HDAC9: variants seen among roughly 807,000 people sequenced by gnomAD.
HDAC9 encodes the protein histone deacetylase 9, also known as MEF-2 interacting transcription repressor (MITR) protein.
Under a neutral mutation model 139.4 loss-of-function variants are expected in HDAC9, and 41 were observed. That is an observed-to-expected ratio of 0.29 (90% CI 0.23 to 0.38). The LOEUF (loss-of-function observed/expected upper bound fraction) is 0.38. HDAC9 is among the 10% of genes least tolerant of loss of function. HDAC9 has a pLI of 1.00. For missense variants in HDAC9, 1,147 were observed against 1,297.0 expected (o/e 0.88, Z 1.78); for synonymous variants, 517 against 476.2 (o/e 1.09, Z -1.12).
intron 1 of HDAC9, among the ~76,000 whole-genome samples, chr7:18,294,546 T>C (rs1798014994): frequency 6.6e-6 from 1 of 152,040 alleles, no homozygotes; most frequent in Non-Finnish European, 1.5e-5. Context: ...TTTTGCCTCT[T>C]TGAGAAAGAG....
intron 2 of HDAC9, among the ~76,000 whole-genome samples, chr7:18,212,124 G>A (rs1234396928): frequency 2.0e-5 from 3 of 152,134 alleles, no homozygotes; most frequent in Admixed American, 2.0e-4. Flanking sequence ...CAGCACCTAT[G>A]TCTGACTTCA....
At chr7:18,359,174 G>A (rs898672180) in intron 1 of HDAC9, among the ~76,000 whole-genome samples, 18 of 152,038 alleles carry the variant, frequency 1.2e-4, no homozygotes, top group African/African-American at 4.1e-4. Context: ...CAGACAACAT[G>A]GCAAAACCCC....
intron 6 of HDAC9, among the ~76,000 whole-genome samples, chr7:18,628,007 A>C (rs567784615): frequency 6.6e-6 from 1 of 152,314 alleles, no homozygotes; most frequent in Non-Finnish European, 1.5e-5. Context: ...CAACAAAAAA[A>C]GTGGAGAAGA....
At chr7:18,609,265 A>G (rs1265060551) in intron 6 of HDAC9, among the ~76,000 whole-genome samples, 1 of 152,198 alleles carries the variant, frequency 6.6e-6, no homozygotes, top group Non-Finnish European at 1.5e-5. Flanking sequence ...TTGCCACTTG[A>G]AATTGAACAC....
intron 2 of HDAC9, among the ~76,000 whole-genome samples, chr7:18,278,070 C>G: frequency 6.6e-6 from 1 of 152,192 alleles, no homozygotes; most frequent in African/African-American, 2.4e-5. Context: ...CTTGAACTTC[C>G]ACAGGAATCT....
chr7:18,868,838 A>G (rs1798689675), intron 21 of HDAC9, among the ~76,000 whole-genome samples: 1 of 152,024 alleles, frequency 6.6e-6, no homozygotes, highest in Non-Finnish European at 1.5e-5. Flanking sequence ...GGAATGAAGG[A>G]ATGCTGAGTG....
intron 1 of HDAC9, among the ~76,000 whole-genome samples, chr7:18,113,964 G>C (rs1023709257): frequency 5.9e-5 from 9 of 152,092 alleles, no homozygotes; most frequent in South Asian, 2.1e-4. Context: ...TGCCATTGTA[G>C]CTATCACTTT....
intron 1 of HDAC9, among the ~76,000 whole-genome samples, chr7:18,359,329 C>T (rs1291866820): frequency 6.6e-6 from 1 of 152,000 alleles, no homozygotes; most frequent in South Asian, 2.1e-4. Context: ...GCCCGGGCAA[C>T]GGAGTGAGAC....
At chr7:18,628,540 C>T (rs930788836) in intron 6 of HDAC9, among the ~76,000 whole-genome samples, 2 of 152,140 alleles carry the variant, frequency 1.3e-5, no homozygotes, top group African/African-American at 4.8e-5. Context: ...CCAATGTTTC[C>T]ATTCTTCTAA....
chr7:18,656,270 A>G (rs1328467919), intron 11 of HDAC9, among the ~76,000 whole-genome samples: 1 of 152,156 alleles, frequency 6.6e-6, no homozygotes, highest in East Asian at 1.9e-4. Context: ...CTATTAACCT[A>G]GTTGTATCAG....
chr7:18,269,817 G>A (rs1222267905), intron 2 of HDAC9, among the ~76,000 whole-genome samples: 1 of 151,984 alleles, frequency 6.6e-6, no homozygotes, highest in African/African-American at 2.4e-5. Context: ...CCTCCTAGTT[G>A]GGCTGCCTAA....
chr7:18,607,233 A>G (rs780417742), intron 6 of HDAC9, among the ~76,000 whole-genome samples: 15 of 152,244 alleles, frequency 9.9e-5, no homozygotes, highest in Non-Finnish European at 1.8e-4. Flanking sequence ...CAATTGTGTG[A>G]TAATGAGTCA....
intron 12 of HDAC9, among the ~76,000 whole-genome samples, chr7:18,708,205 AG>A (rs1784083433): frequency 6.6e-6 from 1 of 152,128 alleles, no homozygotes; most frequent in Non-Finnish European, 1.5e-5. Flanking sequence ...TTTGTGAAGT[AG>A]AAGGTGAGGT....
intron 2 of HDAC9, among the ~76,000 whole-genome samples, chr7:18,529,702 G>T (rs961411937): frequency 5.3e-5 from 8 of 152,086 alleles, no homozygotes; most frequent in Non-Finnish European, 1.0e-4. Flanking sequence ...AGTTGTTTTA[G>T]AATTAAGAAA....
chr7:18,475,026 A>ATT (rs1169295045), intron 1 of HDAC9, among the ~76,000 whole-genome samples: 2 of 152,262 alleles, frequency 1.3e-5, no homozygotes, highest in Non-Finnish European at 2.9e-5. Context: ...ACTAAAGTTC[A>ATT]TTATAGGCTG....
intron 22 of HDAC9, among the ~76,000 whole-genome samples, chr7:18,897,691 G>A (rs1274107773): frequency 6.6e-6 from 1 of 151,650 alleles, no homozygotes; most frequent in East Asian, 1.9e-4. Flanking sequence ...AAGAATTGGA[G>A]TCTACTTAAA....
chr7:18,915,134 A>C (rs1803073229), intron 22 of HDAC9, among the ~76,000 whole-genome samples: 1 of 152,088 alleles, frequency 6.6e-6, no homozygotes, highest in African/African-American at 2.4e-5. Flanking sequence ...GTGTGTTTTC[A>C]AATGTGGCAT....
At chr7:18,428,027 C>A (rs1473743295) in intron 1 of HDAC9, among the ~76,000 whole-genome samples, 1 of 152,136 alleles carries the variant, frequency 6.6e-6, no homozygotes, top group Non-Finnish European at 1.5e-5. Context: ...AGCATAATGT[C>A]CTCAAGTTCC....
At chr7:18,125,897 T>TACAAAGTAAGTAG (rs1412260515) in intron 1 of HDAC9, among the ~76,000 whole-genome samples, 1 of 152,184 alleles carries the variant, frequency 6.6e-6, no homozygotes, top group Non-Finnish European at 1.5e-5. Context: ...CACTCTTACT[T>TACAAAGTAAGTAG]TGTAAGTGGT....
Sources: gnomAD v4.1 joint callset for allele counts (sites outside exome capture counted in the v4.1 genomes callset) on GRCh38, gnomAD v4.1.1 for gene constraint, MANE v1.5 for transcripts, NCBI Gene and HGNC (gene_info 2026-07-23, HGNC 2026-07-21) for gene names.